The following CDH12 variants were observed in gnomAD, a reference collection of about 807,000 sequenced individuals.
The protein encoded by CDH12 is cadherin-12.
CDH12 carries 41 observed loss-of-function variants against 74.1 expected under a neutral mutation model. The ratio of observed to expected loss-of-function variants is 0.55; its 90% CI spans 0.43 to 0.72. The LOEUF (loss-of-function observed/expected upper bound fraction) is 0.72, where lower values mean the gene tolerates loss of function less well. Ranked by LOEUF, CDH12 falls within the 30% of genes least tolerant of loss-of-function variation. The pLI is 0.00. For missense variants in CDH12, 945 were observed against 977.2 expected (o/e 0.97, Z 0.44); for synonymous variants, 399 against 355.0 (o/e 1.12, Z -1.39).
intron 5 of CDH12, among the ~76,000 whole-genome samples, chr5:21,998,001 A>AT (rs1428696786): frequency 1.3e-5 from 2 of 152,084 alleles, no homozygotes; most frequent in Non-Finnish European, 2.9e-5. Context: ...AAGAAGAGAG[A>AT]TTTTTTAAAA....
chr5:21,833,088 A>AAATATATATTATATATTATATAACATAT (rs1749198804), intron 8 of CDH12, among the ~76,000 whole-genome samples: 2 of 44,574 alleles, frequency 4.5e-5, no homozygotes, highest in South Asian at 7.4e-4. Flanking sequence ...ATTATATTAT[A>AAATATATATTATATATTATATAACATAT]AATATATATT....
At chr5:22,166,129 G>C (rs1748667739) in intron 4 of CDH12, among the ~76,000 whole-genome samples, 1 of 152,006 alleles carries the variant, frequency 6.6e-6, no homozygotes, top group Non-Finnish European at 1.5e-5. Context: ...GTCTGGATCA[G>C]GGCCCCTTTT....
chr5:22,519,614 G>A (rs1050109643), intron 1 of CDH12, among the ~76,000 whole-genome samples: 6 of 151,916 alleles, frequency 3.9e-5, no homozygotes, highest in Non-Finnish European at 5.9e-5. Context: ...TAGTAGAGAC[G>A]GGGTTTGACC....
At chr5:22,456,498 C>T (rs992005037) in intron 2 of CDH12, among the ~76,000 whole-genome samples, 3 of 151,832 alleles carry the variant, frequency 2.0e-5, no homozygotes, top group Admixed American at 6.6e-5. Context: ...TTAAGCTGTC[C>T]GCTAAAGGAA....
At chr5:22,086,325 ATATTTATT>A (rs891053640) in intron 4 of CDH12, among the ~76,000 whole-genome samples, 3 of 150,806 alleles carry the variant, frequency 2.0e-5, no homozygotes, top group Admixed American at 2.0e-4. Flanking sequence ...TTTTATTTAT[ATATTTATT>A]TATTTATTTA....
intron 1 of CDH12, among the ~76,000 whole-genome samples, chr5:22,774,970 T>C (rs1175081631): frequency 6.6e-6 from 1 of 151,984 alleles, no homozygotes; most frequent in African/African-American, 2.4e-5. Flanking sequence ...CATATGTACC[T>C]CCTGGTTCTA....
At chr5:22,111,206 A>G (rs1744794598) in intron 4 of CDH12, among the ~76,000 whole-genome samples, 1 of 152,112 alleles carries the variant, frequency 6.6e-6, no homozygotes, top group Non-Finnish European at 1.5e-5. Context: ...CCTTTCAAGA[A>G]ATACCACTAT....
chr5:22,265,382 A>G (rs1379491121), intron 3 of CDH12, among the ~76,000 whole-genome samples: 1 of 152,172 alleles, frequency 6.6e-6, no homozygotes, highest in Non-Finnish European at 1.5e-5. Flanking sequence ...CTAAGGTACA[A>G]TTTTGTTATA....
chr5:22,007,544 A>C (rs542054677), intron 5 of CDH12, among the ~76,000 whole-genome samples: 1 of 152,314 alleles, frequency 6.6e-6, no homozygotes, highest in African/African-American at 2.4e-5. Flanking sequence ...TTAGAAAAAT[A>C]AAACATTCTG....
intron 10 of CDH12, among the ~76,000 whole-genome samples, chr5:21,789,051 A>C (rs1293797094): frequency 6.6e-6 from 1 of 151,824 alleles, no homozygotes; most frequent in African/African-American, 2.4e-5. Flanking sequence ...TATTTTCTTA[A>C]TATCTGCTTT....
chr5:22,197,708 T>C (rs1197866859), intron 4 of CDH12, among the ~76,000 whole-genome samples: 1 of 152,082 alleles, frequency 6.6e-6, no homozygotes, highest in Non-Finnish European at 1.5e-5. Context: ...GTTCCTAAAA[T>C]ACATCTATAC....
intron 3 of CDH12, among the ~76,000 whole-genome samples, chr5:22,377,916 A>G (rs982139909): frequency 9.9e-5 from 15 of 152,192 alleles, no homozygotes; most frequent in African/African-American, 3.4e-4. Flanking sequence ...CTAATATACT[A>G]AAATGTAACA....
chr5:22,576,189 C>T (rs544889855), intron 1 of CDH12, among the ~76,000 whole-genome samples: 1 of 152,310 alleles, frequency 6.6e-6, no homozygotes, highest in African/African-American at 2.4e-5. Context: ...TCATTCAGTG[C>T]TGATATCTGA....
At position 22,780,732 on chromosome 5, in the gene CDH12, A is replaced by G. The variant is rs7356650; in HGVS notation, c.-523+72326T>C. Among the ~76,000 whole-genome samples, 1,122 of 151,986 alleles carry G rather than the reference A, an allele frequency of 7.4e-3. 8 individuals are homozygous for G. Among genetic ancestry groups the G allele is most frequent in the African/African-American group, 0.026 (1,066 of 41,470 alleles). On this transcript the variant is annotated intron_variant, in intron 1 of 14. Transcript: ENST00000382254. ...GCCAAACCATATCAGCTATAATCAC[A>G]CCACTACACTCTGGCGTAGGTGACA...
chr5:22,824,998 CT>C (rs1010680785), intron 1 of CDH12, among the ~76,000 whole-genome samples: 1 of 151,720 alleles, frequency 6.6e-6, no homozygotes, highest in Non-Finnish European at 1.5e-5. Context: ...TTCAAAAAGG[CT>C]TGTGAGAAAA....
intron 3 of CDH12, among the ~76,000 whole-genome samples, chr5:22,260,419 C>T (rs1301786824): frequency 6.6e-6 from 1 of 152,052 alleles, no homozygotes; most frequent in Admixed American, 6.6e-5. Flanking sequence ...AATAAAGTAA[C>T]TTCAGTGAAC....
At position 22,836,217 on chromosome 5, in the gene CDH12, C is replaced by CTCTT. The variant is rs1329156670; in HGVS notation, c.-523+16840_-523+16841insAAGA. Among the ~76,000 whole-genome samples the CTCTT allele has an allele frequency of 1.5e-3, 31 of 20,470 alleles. 1 individual carries two copies. The highest frequency in any genetic ancestry group is 2.4e-3 in the Non-Finnish European group (26 of 10,668). 13.4% of individuals were successfully genotyped at this position (20,470 alleles called of 152,430 possible). On this transcript the variant is annotated intron_variant, in intron 1 of 14. Coordinates refer to ENST00000382254, the MANE Select transcript of CDH12 (RefSeq NM_004061.5). ...GGTGCTTTTTTTTCTTTTTTTCTTT[C>CTCTT]TTTCTCTTTTTTTTTTTTTTTTTTG...
At position 21,774,112 on chromosome 5, in the gene CDH12, G is replaced by A. The variant is rs543788820; in HGVS notation, c.1394-9013C>T. Among the ~76,000 whole-genome samples the A allele has an allele frequency of 2.6e-5, 4 of 152,188 alleles. No individual in the cohort carries two copies. The South Asian group carries it at 6.2e-4, about 24-fold the overall frequency. On this transcript the variant is annotated intron_variant, in intron 11 of 14. Coordinates refer to ENST00000382254, the MANE Select transcript of CDH12 (RefSeq NM_004061.5). ...CAAATCATTGTTCCTGGGTGTGTCC[G>A]TGAGGGTGTTGCCAAAGCAGATTAA...
chr5:22,738,227 A>G (rs764823204), intron 1 of CDH12, among the ~76,000 whole-genome samples: 9 of 152,092 alleles, frequency 5.9e-5, no homozygotes, highest in Non-Finnish European at 1.5e-5. Flanking sequence ...CAGACGTTAC[A>G]TTATAAAAAT....
Sources: gnomAD v4.1 joint callset for allele counts (sites outside exome capture counted in the v4.1 genomes callset) on GRCh38, gnomAD v4.1.1 for gene constraint, MANE v1.5 for transcripts, NCBI Gene and HGNC (gene_info 2026-07-23, HGNC 2026-07-21) for gene names.